RUVBL1: variants seen among roughly 807,000 people sequenced by gnomAD.
RUVBL1 encodes RuvB like AAA ATPase 1, also known as ruvB-like 1.
RUVBL1 carries 4 observed loss-of-function variants against 52.4 expected under a neutral mutation model. That is an observed-to-expected ratio of 0.08 (90% CI 0.04 to 0.17). The LOEUF (loss-of-function observed/expected upper bound fraction) is 0.17. RUVBL1 is among the 10% of genes least tolerant of loss of function. The pLI, the probability that RUVBL1 is intolerant of heterozygous loss-of-function variation, is 1.00. For synonymous variants in RUVBL1, 217 were observed against 214.4 expected, an observed-to-expected ratio of 1.01 and a Z score of -0.10; for missense variants, 298 against 572.8, an observed-to-expected ratio of 0.52 and a Z score of 4.90.
At position 128,104,753 on chromosome 3, in the gene RUVBL1, G is replaced by A; in HGVS notation, c.513+20C>T. The A allele has an allele frequency of 6.3e-7, 1 of 1,588,336 alleles. No homozygotes were observed. Among genetic ancestry groups the A allele is most frequent in the Non-Finnish European group, 8.6e-7 (1 of 1,159,216 alleles). ...GTGCTGGGAGAGTCAAGGGAAAAGAGGCCACATACATGTACTCACTTTCAA... is the reference window on the plus strand; with the variant it reads ...GTGCTGGGAGAGTCAAGGGAAAAGAAGCCACATACATGTACTCACTTTCAA... On this transcript the variant is annotated intron_variant, in intron 4 of 10. Transcript: ENST00000322623.
intron 1 of RUVBL1, among the ~76,000 whole-genome samples, chr3:128,143,235 C>T (rs149442225): frequency 0.014 from 2,145 of 150,454 alleles, 48 homozygotes; most frequent in African/African-American, 0.048. Flanking sequence ...TTCAGTGGCA[C>T]AATCTTGGCT....
intron 8 of RUVBL1, among the ~76,000 whole-genome samples, chr3:128,096,638 A>G (rs1201479075): frequency 6.6e-6 from 1 of 152,118 alleles, no homozygotes; most frequent in East Asian, 1.9e-4. Flanking sequence ...CATCTTGGCT[A>G]ACACGGTGAA....
chr3:128,092,182 T>C (rs2107681130), intron 8 of RUVBL1, among the ~76,000 whole-genome samples: 1 of 152,224 alleles, frequency 6.6e-6, no homozygotes, highest in East Asian at 1.9e-4. Context: ...AACCCCTTAC[T>C]TATGCCCTAC....
In RUVBL1 at chr3:128,082,379, G is replaced by A; in HGVS notation, c.1211+104C>T. Reference sequence around the variant, plus strand: ...GCGCCAGGAAGAGCGGATGGATAGAGTCCCATGCCCTAGGAAGGGACCTGC... The same window carrying A: ...GCGCCAGGAAGAGCGGATGGATAGAATCCCATGCCCTAGGAAGGGACCTGC... On this transcript the variant is annotated intron_variant, in intron 10 of 10. Transcript: ENST00000322623. This position sits in a 1 kb window ranked among gnomAD's most constrained non-coding sequence, Gnocchi z 4.7. 2.4e-6 allele frequency: 2 copies of A among 833,746 alleles called. No homozygotes were observed. The highest frequency in any genetic ancestry group is 1.4e-5 in the South Asian group (1 of 70,796). The allele number at this position is 833,746 out of a possible 1,614,324, so 51.6% of individuals were successfully genotyped here.
intron 2 of RUVBL1, among the ~76,000 whole-genome samples, chr3:128,114,485 G>A (rs566466056): frequency 1.3e-4 from 20 of 152,252 alleles, no homozygotes; most frequent in Non-Finnish European, 2.9e-5. Context: ...TCAGGTGCCC[G>A]ATTTCCTCAT....
intron 1 of RUVBL1, among the ~76,000 whole-genome samples, chr3:128,150,843 A>AT (rs1944183808): frequency 1.2e-5 from 1 of 84,280 alleles, no homozygotes; most frequent in African/African-American, 4.9e-5. Context: ...TATATTCTAT[A>AT]TATATTCTAT....
chr3:128,069,749 T>A, intron 9 of RUVBL1: 1 of 1,071,498 alleles, frequency 9.3e-7, no homozygotes, highest in South Asian at 1.5e-5. Context: ...CTGCGGCATA[T>A]GGACTTTTAA....
At chr3:128,066,990 T>C in intron 9 of RUVBL1, 1 of 1,614,218 alleles carries the variant, frequency 6.2e-7, no homozygotes, top group African/African-American at 1.3e-5. Context: ...GTCGGCCCGC[T>C]ACCGTGGCCA....
intron 1 of RUVBL1, among the ~76,000 whole-genome samples, chr3:128,142,450 A>G (rs1163321170): frequency 6.6e-6 from 1 of 152,240 alleles, no homozygotes; most frequent in Admixed American, 6.5e-5. Context: ...CCATTTAATC[A>G]ATAAATACGA....
chr3:128,090,505 T>C (rs558318229), intron 8 of RUVBL1, among the ~76,000 whole-genome samples: 3 of 152,002 alleles, frequency 2.0e-5, no homozygotes, highest in Admixed American at 6.6e-5. Flanking sequence ...GGTGACAGAG[T>C]GAGACTCCGT....
intron 2 of RUVBL1, among the ~76,000 whole-genome samples, chr3:128,116,455 G>A (rs139329122): frequency 1.2e-3 from 184 of 151,794 alleles, no homozygotes; most frequent in African/African-American, 4.3e-3. Flanking sequence ...TTTGAACCTG[G>A]GAGGCAGAGA....
Position 128,082,227 on chromosome 3 carries a change from G to A in RUVBL1, c.1211+256C>T. 2.2e-6 allele frequency: 1 copy of A among 464,946 alleles called. No individual in the cohort carries two copies. The highest frequency in any genetic ancestry group is 3.9e-6 in the Non-Finnish European group (1 of 257,400). 28.8% of individuals were successfully genotyped at this position (464,946 alleles called of 1,614,324 possible). On this transcript the variant is annotated intron_variant, in intron 10 of 10. Coordinates refer to ENST00000322623, the MANE Select transcript of RUVBL1 (RefSeq NM_003707.3). This position sits in a 1 kb window ranked among gnomAD's most constrained non-coding sequence, Gnocchi z 4.7. ...CTTCTCTGCCACAAGAAGGCCCAGG[G>A]TCAAAGCACTCTCCACCAGAGGGGA...
At chr3:128,101,411 CA>C (rs1576458007) in intron 5 of RUVBL1, 147 bp downstream of exon 5, 1 of 681,726 alleles carries the variant, frequency 1.5e-6, no homozygotes, top group East Asian at 2.5e-5. Flanking sequence ...CATAAAGGGC[CA>C]CTAGTTGACC....
intron 1 of RUVBL1, among the ~76,000 whole-genome samples, chr3:128,145,378 G>A (rs1263816986): frequency 6.6e-6 from 1 of 152,200 alleles, no homozygotes; most frequent in Non-Finnish European, 1.5e-5. Context: ...ACTACACCAT[G>A]GGCCAGCATG....
chr3:128,110,245 C>T (rs2107703700), intron 3 of RUVBL1, among the ~76,000 whole-genome samples: 1 of 152,162 alleles, frequency 6.6e-6, no homozygotes, highest in South Asian at 2.1e-4. Flanking sequence ...ATTGTTACAC[C>T]ACTGCACTTT....
At chr3:128,102,721 T>C (rs757079550) in intron 4 of RUVBL1, among the ~76,000 whole-genome samples, 1 of 152,252 alleles carries the variant, frequency 6.6e-6, no homozygotes, top group East Asian at 1.9e-4. Flanking sequence ...GGATTCTTTT[T>C]GGGGCGATGA....
intron 3 of RUVBL1, among the ~76,000 whole-genome samples, chr3:128,109,741 G>C (rs1284573212): frequency 1.3e-5 from 2 of 149,318 alleles, no homozygotes; most frequent in Non-Finnish European, 3.0e-5. Flanking sequence ...CAATCTGCCT[G>C]CCTTTGCCTC....
At chr3:128,113,576 C>T (rs1299167877) in intron 2 of RUVBL1, among the ~76,000 whole-genome samples, 5 of 152,218 alleles carry the variant, frequency 3.3e-5, no homozygotes, top group African/African-American at 4.8e-5. Flanking sequence ...CTCTAGATTA[C>T]ATACAATACC....
intron 1 of RUVBL1, among the ~76,000 whole-genome samples, chr3:128,120,438 G>A (rs950313999): frequency 6.7e-6 from 1 of 150,030 alleles, no homozygotes; most frequent in Non-Finnish European, 1.5e-5. Flanking sequence ...CAGTACACAT[G>A]TGTGTATATA....
Sources: gnomAD v4.1 joint callset for allele counts (sites outside exome capture counted in the v4.1 genomes callset) on GRCh38, gnomAD v4.1.1 for gene constraint, Gnocchi (gnomAD v3.1) non-coding constraint, MANE v1.5 for transcripts, NCBI Gene and HGNC (gene_info 2026-07-23, HGNC 2026-07-21) for gene names.